ZDHHC21: variants seen among roughly 807,000 people sequenced by gnomAD.
ZDHHC21 encodes zDHHC palmitoyltransferase 21, also known as palmitoyltransferase ZDHHC21.
In ZDHHC21, 15 loss-of-function variants were observed where a neutral mutation model predicts 34.6. The ratio of observed to expected loss-of-function variants is 0.43; its 90% CI spans 0.29 to 0.67. ZDHHC21 has a LOEUF of 0.67. Among genes scored for constraint, ZDHHC21 ranks in the 30% least tolerant of loss-of-function variants. The pLI is 0.14. For synonymous variants in ZDHHC21, 142 were observed against 101.8 expected (o/e 1.40, Z -2.38); for missense variants, 344 against 327.7 (o/e 1.05, Z -0.38).
chr9:14,682,844 AC>A (rs1837616988), intron 2 of ZDHHC21, among the ~76,000 whole-genome samples: 1 of 152,246 alleles, frequency 6.6e-6, no homozygotes, highest in African/African-American at 2.4e-5. Context: ...TATCTCTCAG[AC>A]CACAGTGCAA....
At chr9:14,651,699 ATATT>A (rs1289854682) in intron 7 of ZDHHC21, among the ~76,000 whole-genome samples, 2 of 152,014 alleles carry the variant, frequency 1.3e-5, no homozygotes, top group Non-Finnish European at 2.9e-5. Context: ...ACTTTCCTTC[ATATT>A]TAATTGAAAA....
intron 6 of ZDHHC21, among the ~76,000 whole-genome samples, chr9:14,659,109 C>T (rs1162816911): frequency 6.6e-6 from 1 of 152,062 alleles, no homozygotes; most frequent in African/African-American, 2.4e-5. Context: ...TATGTGATCC[C>T]CCTTCAACTC....
chr9:14,687,584 T>C (rs914695037), intron 2 of ZDHHC21, among the ~76,000 whole-genome samples: 10 of 150,710 alleles, frequency 6.6e-5, no homozygotes, highest in Non-Finnish European at 1.3e-4. Flanking sequence ...GGCACGAGAA[T>C]CGCTTGAAGC....
rs1490209998 is a variant in ZDHHC21, at chr9:14,639,940, CAACT to C, written c.573_576del (p.Val192GlufsTer2). Reference sequence around the variant, plus strand: ...TGAGTGTAAAAGAGTCCAGTTATTCCAACTAACATAGTAATGCCCATAAAGGCTG... The same window carrying C: ...TGAGTGTAAAAGAGTCCAGTTATTCCAACATAGTAATGCCCATAAAGGCTG... On this transcript the variant is annotated frameshift_variant, in exon 8 of 10. Coordinates refer to ENST00000380916, the MANE Select transcript of ZDHHC21 (RefSeq NM_178566.6). LOFTEE classifies it high-confidence loss of function. 6.2e-7 allele frequency: 1 copy of C among 1,607,424 alleles called. No individual in the cohort carries two copies. The highest frequency in any genetic ancestry group is 1.7e-5 in the Admixed American group (1 of 59,582).
chr9:14,610,471 T>C (rs1823167981), downstream of ZDHHC21, among the ~76,000 whole-genome samples: 1 of 152,044 alleles, frequency 6.6e-6, no homozygotes, highest in Non-Finnish European at 1.5e-5. Context: ...TAATCTAGAA[T>C]ATTTTTCAAA....
At position 14,619,624 on chromosome 9, in the gene ZDHHC21, C is replaced by A; in HGVS notation, c.665+15G>T. ...CAATTTTAAATAATACTATACACTT[C>A]AGTTTTATACTTACATATCTTCACA... is the stretch of plus-strand genomic sequence containing the variant. On this transcript the variant is annotated intron_variant, in intron 9 of 9. Coordinates refer to ENST00000380916, the MANE Select transcript of ZDHHC21 (RefSeq NM_178566.6). The A allele has an allele frequency of 1.4e-6, 2 of 1,405,088 alleles. No homozygotes were observed. Among genetic ancestry groups the A allele is most frequent in the Non-Finnish European group, 2.0e-6 (2 of 1,020,170 alleles). The allele number at this position is 1,405,088 out of a possible 1,614,324, so 87.0% of individuals were successfully genotyped here.
At chr9:14,599,873 T>C in the ZDHHC21 span, among the ~76,000 whole-genome samples, 4 of 152,060 alleles carry the variant, frequency 2.6e-5, no homozygotes, top group Non-Finnish European at 5.9e-5. Context: ...ATAAACATAA[T>C]CCATCATATA....
chr9:14,605,346 C>T, the ZDHHC21 span, among the ~76,000 whole-genome samples: 99,211 of 151,762 alleles, frequency 0.65, 32,733 homozygotes, highest in South Asian at 0.78. Flanking sequence ...TTCCAATTTC[C>T]CCACATCCTC....
At chr9:14,667,353 A>G (rs1378556503) in intron 5 of ZDHHC21, among the ~76,000 whole-genome samples, 2 of 151,602 alleles carry the variant, frequency 1.3e-5, no homozygotes, top group East Asian at 3.9e-4. Flanking sequence ...TTGTGGCAAT[A>G]ATCAATAGTT....
intron 7 of ZDHHC21, among the ~76,000 whole-genome samples, chr9:14,656,993 T>C (rs935751556): frequency 6.6e-6 from 1 of 152,050 alleles, no homozygotes; most frequent in African/African-American, 2.4e-5. Flanking sequence ...CATGTAAATA[T>C]ACACATATAT....
intron 2 of ZDHHC21, among the ~76,000 whole-genome samples, chr9:14,681,685 G>A (rs2131609781): frequency 6.6e-6 from 1 of 151,968 alleles, no homozygotes; most frequent in East Asian, 1.9e-4. Flanking sequence ...AATGATGAGG[G>A]CACATGGAGT....
intron 8 of ZDHHC21, among the ~76,000 whole-genome samples, chr9:14,630,021 G>A (rs1395935827): frequency 6.6e-6 from 1 of 152,100 alleles, no homozygotes; most frequent in Non-Finnish European, 1.5e-5. Context: ...ACGCCAGCCT[G>A]GCGACAGAGA....
intron 3 of ZDHHC21, among the ~76,000 whole-genome samples, chr9:14,676,216 T>C (rs1434375952): frequency 1.3e-5 from 2 of 152,022 alleles, no homozygotes; most frequent in Non-Finnish European, 2.9e-5. Context: ...GAGCAACTGC[T>C]AGAATCGAAC....
rs371719053 is a variant in ZDHHC21, at chr9:14,619,068, G to C, written c.696C>G (p.Thr232=). ...AACGAGTGCCAAAAACTTCTGAGAAGGTCTGCTGCCATGGCTTTCGGGGCC... is the reference window on the plus strand; with the variant it reads ...AACGAGTGCCAAAAACTTCTGAGAACGTCTGCTGCCATGGCTTTCGGGGCC... ...ISRPRKPWQQ[T]FSEVFGTRWK... Residue 232 remains threonine (T), a synonymous_variant, in exon 10 of 10, where the codon ACC becomes ACG. Transcript: ENST00000380916. 21 of 1,611,444 alleles carry C rather than the reference G, an allele frequency of 1.3e-5. No individual in the cohort carries two copies. The highest frequency in any genetic ancestry group is 1.7e-5 in the Non-Finnish European group (20 of 1,178,786).
intron 5 of ZDHHC21, among the ~76,000 whole-genome samples, chr9:14,663,727 G>A (rs935152736): frequency 5.3e-5 from 8 of 151,930 alleles, no homozygotes; most frequent in Admixed American, 6.6e-5. Context: ...CCAATAATAT[G>A]AAAGTTGAGA....
At chr9:14,644,506 GT>G (rs965304313) in intron 7 of ZDHHC21, among the ~76,000 whole-genome samples, 23 of 148,594 alleles carry the variant, frequency 1.5e-4, no homozygotes, top group South Asian at 4.3e-4. Flanking sequence ...GATTTTGTGT[GT>G]TTTTTTTTTA....
At chr9:14,599,315 G>A in the ZDHHC21 span, among the ~76,000 whole-genome samples, 2 of 152,128 alleles carry the variant, frequency 1.3e-5, no homozygotes, top group Admixed American at 1.3e-4. Flanking sequence ...AGCAGGGTGG[G>A]GCATTGCCTC....
At chr9:14,693,165 G>A (rs1461101567) in intron 1 of ZDHHC21, 64 bp downstream of exon 1, 4 of 277,950 alleles carry the variant, frequency 1.4e-5, no homozygotes, top group Non-Finnish European at 2.8e-5. Flanking sequence ...CGGGGATGGG[G>A]GTGGGGGTGC....
intron 7 of ZDHHC21, among the ~76,000 whole-genome samples, chr9:14,654,353 C>T (rs1378580818): frequency 1.3e-5 from 2 of 151,302 alleles, no homozygotes; most frequent in Non-Finnish European, 3.0e-5. Flanking sequence ...TCTTGTTATA[C>T]AAACCCCTGA....
Sources: allele counts gnomAD v4.1 joint callset (sites outside exome capture counted in the v4.1 genomes callset), GRCh38; gene constraint gnomAD v4.1.1; transcripts MANE v1.5; gene names NCBI Gene and HGNC (gene_info 2026-07-23, HGNC 2026-07-21).